The following ADCK1 variants were observed in gnomAD, a reference collection of about 807,000 sequenced individuals.
The protein encoded by ADCK1 is aarF domain-containing protein kinase 1.
A neutral mutation model predicts 52.3 loss-of-function variants in ADCK1; 41 were observed. That is an observed-to-expected ratio of 0.78 (90% CI 0.61 to 1.02). The LOEUF (loss-of-function observed/expected upper bound fraction) is 1.02, where lower values mean the gene tolerates loss of function less well. Ranked by LOEUF, ADCK1 falls within the 50% of genes least tolerant of loss-of-function variation. ADCK1 has a pLI of 0.00. For missense variants in ADCK1, 658 were observed against 679.5 expected (o/e 0.97, Z 0.35); for synonymous variants, 250 against 274.6 (o/e 0.91, Z 0.89).
intron 6 of ADCK1, chr14:77,900,767 A>C: frequency 2.9e-6 from 1 of 340,578 alleles, no homozygotes; most frequent in Non-Finnish European, 5.8e-6. Flanking sequence ...AGTACACATA[A>C]GCACATCCAA....
chr14:77,893,352 C>T (rs1314778188), intron 5 of ADCK1, among the ~76,000 whole-genome samples: 2 of 152,102 alleles, frequency 1.3e-5, no homozygotes, highest in Non-Finnish European at 2.9e-5. Context: ...GCCATTCTCA[C>T]TGCTTGAGGG....
intron 3 of ADCK1, among the ~76,000 whole-genome samples, chr14:77,843,768 G>C (rs982799339): frequency 6.6e-6 from 1 of 152,194 alleles, no homozygotes; most frequent in African/African-American, 2.4e-5. Flanking sequence ...ATTGATGCTT[G>C]TAATTCCACC....
intron 5 of ADCK1, among the ~76,000 whole-genome samples, chr14:77,896,641 A>T (rs188077963): frequency 1.4e-4 from 21 of 152,220 alleles, no homozygotes; most frequent in Non-Finnish European, 4.4e-5. Context: ...ATCTGAGGGC[A>T]CTGTGACGAG....
At chr14:77,831,081 C>A (rs552090824) in intron 3 of ADCK1, among the ~76,000 whole-genome samples, 55 of 152,266 alleles carry the variant, frequency 3.6e-4, no homozygotes, top group African/African-American at 1.3e-3. Flanking sequence ...TGCTGAACTT[C>A]ACCCCTGAAT....
chr14:77,854,067 C>T (rs2082367019), intron 3 of ADCK1, among the ~76,000 whole-genome samples: 1 of 152,228 alleles, frequency 6.6e-6, no homozygotes, highest in Non-Finnish European at 1.5e-5. Flanking sequence ...TTTATATATG[C>T]TGTCCAGTTT....
chr14:77,932,421 GTTCC>G (rs2084363207), intron 10 of ADCK1, among the ~76,000 whole-genome samples: 1 of 152,184 alleles, frequency 6.6e-6, no homozygotes, highest in African/African-American at 2.4e-5. Context: ...CAGGGAGCTA[GTTCC>G]AGAGGAAAGA....
At chr14:77,851,607 C>T (rs552527114) in intron 3 of ADCK1, among the ~76,000 whole-genome samples, 6 of 152,018 alleles carry the variant, frequency 3.9e-5, no homozygotes, top group South Asian at 4.2e-4. Flanking sequence ...TGTATTTTAC[C>T]TCCTTTGTTG....
chr14:77,874,773 TAGC>T (rs1167006198), intron 4 of ADCK1, among the ~76,000 whole-genome samples: 1 of 152,176 alleles, frequency 6.6e-6, no homozygotes, highest in Non-Finnish European at 1.5e-5. Context: ...TATAGGGGAA[TAGC>T]AGCTGTTAAA....
chr14:77,822,226 G>A (rs1419510440), intron 2 of ADCK1, among the ~76,000 whole-genome samples: 1 of 152,192 alleles, frequency 6.6e-6, no homozygotes, highest in African/African-American at 2.4e-5. Flanking sequence ...TTTGGCGTGG[G>A]CCCCTGCAGA....
In ADCK1 at chr14:77,877,071, C is replaced by T. The variant is rs567854622; in HGVS notation, c.424-10020C>T. 1.8e-4 allele frequency among the ~76,000 whole-genome samples: 27 copies of T among 152,214 alleles called. No homozygotes were observed. The East Asian group carries it at 2.3e-3, about 13-fold the overall frequency. ...CTCTACTAAAAATATAAAAATTAGC[C>T]GGGTGTGGTGATGCGCACCTGTAGT... On this transcript the variant is annotated intron_variant, in intron 4 of 10. Coordinates refer to ENST00000238561, the MANE Select transcript of ADCK1 (RefSeq NM_020421.4).
intron 3 of ADCK1, among the ~76,000 whole-genome samples, chr14:77,838,502 T>C (rs769201191): frequency 2.6e-5 from 4 of 152,088 alleles, no homozygotes; most frequent in Non-Finnish European, 4.4e-5. Flanking sequence ...GCTCAGGTGG[T>C]TCTCCCACTT....
At chr14:77,904,407 G>T (rs2083612313) in intron 6 of ADCK1, among the ~76,000 whole-genome samples, 1 of 152,246 alleles carries the variant, frequency 6.6e-6, no homozygotes, top group South Asian at 2.1e-4. Flanking sequence ...GCTCCAGCCA[G>T]CAGCCTGACT....
At chr14:77,813,721 ATGAAGT>A (rs570220882) in intron 1 of ADCK1, among the ~76,000 whole-genome samples, 150 of 151,706 alleles carry the variant, frequency 9.9e-4, no homozygotes, top group African/African-American at 3.3e-3. Flanking sequence ...ATATTCACTG[ATGAAGT>A]TGAACACTAA....
chr14:77,844,863 T>C (rs1292269167), intron 3 of ADCK1, among the ~76,000 whole-genome samples: 1 of 152,190 alleles, frequency 6.6e-6, no homozygotes. Context: ...CTCCACTTGA[T>C]TAGTAGTGGT....
In ADCK1 at chr14:77,899,198, C is replaced by T; in HGVS notation, c.681C>T (p.Leu227=). 6.2e-7 allele frequency: 1 copy of T among 1,614,144 alleles called. No homozygotes were observed. The highest frequency in any genetic ancestry group is 8.5e-7 in the Non-Finnish European group (1 of 1,180,024). The part of the protein sequence containing the change: ...KKNLPLELDF[L]NEGRNAEKVS... ...ACCTGCCTTTGGAGCTGGATTTCCTCAATGAAGGGAGGAATGCTGAGAAGG... is the reference window on the plus strand; with the variant it reads ...ACCTGCCTTTGGAGCTGGATTTCCTTAATGAAGGGAGGAATGCTGAGAAGG... The change falls in exon 6 of 11, where the codon CTC becomes CTT. Residue 227 remains leucine, a synonymous_variant. Transcript: ENST00000238561.
At chr14:77,866,273 T>C (rs1347546797) in intron 4 of ADCK1, among the ~76,000 whole-genome samples, 1 of 152,222 alleles carries the variant, frequency 6.6e-6, no homozygotes, top group Non-Finnish European at 1.5e-5. Flanking sequence ...AATATGGTAT[T>C]ATTAATATAA....
intron 4 of ADCK1, among the ~76,000 whole-genome samples, chr14:77,863,468 G>GCACA (rs146074203): frequency 1.1e-4 from 17 of 149,950 alleles, no homozygotes; most frequent in African/African-American, 3.2e-4. Flanking sequence ...ATACACACAC[G>GCACA]CACACACACA....
intron 3 of ADCK1, among the ~76,000 whole-genome samples, chr14:77,829,773 C>T (rs1025779217): frequency 6.6e-6 from 1 of 151,208 alleles, no homozygotes; most frequent in Non-Finnish European, 1.5e-5. Context: ...TAGTTAAGAC[C>T]ACTGAAGCAT....
At chr14:77,899,382 C>G in intron 6 of ADCK1, 124 bp downstream of exon 6, 1 of 1,294,904 alleles carries the variant, frequency 7.7e-7, no homozygotes, top group Non-Finnish European at 1.1e-6. Flanking sequence ...AGTCCTCTTA[C>G]TGAGGATGAA....
Sources: allele counts gnomAD v4.1 joint callset (sites outside exome capture counted in the v4.1 genomes callset), GRCh38; gene constraint gnomAD v4.1.1; transcripts MANE v1.5; gene names NCBI Gene and HGNC (gene_info 2026-07-23, HGNC 2026-07-21).